The following ELF5 variants were observed in gnomAD, a reference collection of about 807,000 sequenced individuals.
The protein encoded by ELF5 is ETS-related transcription factor Elf-5.
ELF5 carries 31 observed loss-of-function variants against 38.2 expected under a neutral mutation model. The ratio of observed to expected loss-of-function variants is 0.81; its 90% CI spans 0.61 to 1.10. The LOEUF (loss-of-function observed/expected upper bound fraction) is 1.10, where lower values mean the gene tolerates loss of function less well. Ranked by LOEUF, ELF5 falls within the 50% of genes least tolerant of loss-of-function variation. ELF5 has a pLI of 0.00. For synonymous variants in ELF5, 121 were observed against 112.5 expected, an observed-to-expected ratio of 1.08 and a Z score of -0.48; for missense variants, 300 against 306.6, an observed-to-expected ratio of 0.98 and a Z score of 0.16.
intron 1 of ELF5, among the ~76,000 whole-genome samples, chr11:34,510,828 A>T (rs1003236937): frequency 2.6e-5 from 4 of 151,930 alleles, no homozygotes; most frequent in Non-Finnish European, 4.4e-5. Context: ...GAGAAGTGAT[A>T]AAAAAAAGGT....
At chr11:34,481,051 C>T in intron 5 of ELF5, 84 bp from the exon 6 acceptor site, 1 of 1,110,590 alleles carries the variant, frequency 9.0e-7, no homozygotes, top group Non-Finnish European at 1.2e-6. Flanking sequence ...GAGACAGAGT[C>T]TTGCTCTGTC....
intron 1 of ELF5, 113 bp from the exon 2 acceptor site, chr11:34,505,866 G>A: frequency 7.6e-7 from 1 of 1,318,250 alleles, no homozygotes; most frequent in Admixed American, 3.0e-5. Context: ...TAACAAATAT[G>A]TCACTCACTA....
At chr11:34,495,226 C>G (rs1291681893) in intron 2 of ELF5, among the ~76,000 whole-genome samples, 1 of 152,158 alleles carries the variant, frequency 6.6e-6, no homozygotes, top group Non-Finnish European at 1.5e-5. Context: ...ACACGAGGGC[C>G]TGAAAAGAAA....
At chr11:34,508,934 A>G (rs558818184) in intron 1 of ELF5, among the ~76,000 whole-genome samples, 1 of 152,330 alleles carries the variant, frequency 6.6e-6, no homozygotes, top group South Asian at 2.1e-4. Flanking sequence ...TAGCAAATCA[A>G]ACCTCAGTAC....
In ELF5 at chr11:34,480,127, G is replaced by A; in HGVS notation, c.*91C>T. The A allele has an allele frequency of 9.6e-7, 1 of 1,043,958 alleles. No individual in the cohort carries two copies. The highest frequency in any genetic ancestry group is 1.4e-6 in the Non-Finnish European group (1 of 700,586). 64.7% of individuals were successfully genotyped at this position (1,043,958 alleles called of 1,614,324 possible). On this transcript the variant is annotated 3_prime_UTR_variant, in exon 7 of 7. Transcript: ENST00000257832. ...AGCATGTTTGCAGGTTAAAAAAAAA[G>A]AGAAGAAAATGAAGCCTTTCGAATG...
chr11:34,488,212 A>G (rs1478109604), intron 4 of ELF5, among the ~76,000 whole-genome samples: 2 of 152,148 alleles, frequency 1.3e-5, no homozygotes, highest in Non-Finnish European at 2.9e-5. Context: ...CCTTGCCTCA[A>G]TGAGAGCAAG....
chr11:34,510,074 A>G (rs1463561109), intron 1 of ELF5, among the ~76,000 whole-genome samples: 1 of 152,112 alleles, frequency 6.6e-6, no homozygotes, highest in Non-Finnish European at 1.5e-5. Flanking sequence ...TAGTATTTTT[A>G]CCTCTTTTAA....
chr11:34,491,767 G>T (rs1329161891), intron 3 of ELF5: 1 of 152,028 alleles, frequency 6.6e-6, no homozygotes, highest in Non-Finnish European at 1.5e-5. Flanking sequence ...GTAGAGACGG[G>T]GTTTCACCAT....
chr11:34,490,865 ACT>A (rs889262345), intron 3 of ELF5, among the ~76,000 whole-genome samples: 18 of 151,890 alleles, frequency 1.2e-4, no homozygotes, highest in African/African-American at 3.9e-4. Flanking sequence ...GCCTCAGTTG[ACT>A]CTGTCCAAAG....
At chr11:34,496,637 C>A (rs1400650577) in intron 2 of ELF5, among the ~76,000 whole-genome samples, 1 of 152,182 alleles carries the variant, frequency 6.6e-6, no homozygotes, top group African/African-American at 2.4e-5. Flanking sequence ...TCACTGAGTG[C>A]CCATCAGGCG....
intron 1 of ELF5, chr11:34,511,825 A>G: frequency 1.9e-6 from 1 of 527,070 alleles, no homozygotes; most frequent in South Asian, 2.4e-5. Flanking sequence ...GAGGAGGAAA[A>G]TTCCTTCCTG....
chr11:34,490,614 A>G (rs1850143385), intron 3 of ELF5, among the ~76,000 whole-genome samples: 1 of 152,186 alleles, frequency 6.6e-6, no homozygotes, highest in East Asian at 1.9e-4. Context: ...GCTGAGTTTA[A>G]TGAGGATATG....
chr11:34,512,879 C>T (rs1464523510), intron 1 of ELF5, among the ~76,000 whole-genome samples: 1 of 152,226 alleles, frequency 6.6e-6, no homozygotes, highest in East Asian at 1.9e-4. Context: ...ACAGAGCTGC[C>T]TCCCTAAGTC....
chr11:34,509,863 C>T (rs2476504), intron 1 of ELF5, among the ~76,000 whole-genome samples: 127,463 of 152,130 alleles, frequency 0.84, 53,985 homozygotes, highest in East Asian at 0.96. Context: ...GAATTCCACA[C>T]GGAAGAAAAC....
At chr11:34,512,971 A>T (rs1431282938) in intron 1 of ELF5, among the ~76,000 whole-genome samples, 1 of 152,144 alleles carries the variant, frequency 6.6e-6, no homozygotes, top group African/African-American at 2.4e-5. Flanking sequence ...TTTCGGGCGT[A>T]CAAAAGGCAT....
intron 4 of ELF5, among the ~76,000 whole-genome samples, chr11:34,486,099 G>T (rs1849988756): frequency 6.6e-6 from 1 of 152,144 alleles, no homozygotes. Flanking sequence ...CACTCCAGAA[G>T]CTGGGGTGGG....
Position 34,480,147 on chromosome 11 carries a change from C to T in ELF5, c.*71G>A, listed in dbSNP as rs1017417192. The T allele has an allele frequency of 2.4e-5, 30 of 1,269,148 alleles. No individual in the cohort carries two copies. The highest frequency in any genetic ancestry group is 1.9e-4 in the Middle Eastern group (1 of 5,310). 78.6% of individuals were successfully genotyped at this position (1,269,148 alleles called of 1,614,324 possible). On this transcript the variant is annotated 3_prime_UTR_variant, in exon 7 of 7. Transcript: ENST00000257832. ...AAAAAGAGAAGAAAATGAAGCCTTT[C>T]GAATGTCTATTGCAATCTGATTGTT...
Position 34,480,011 on chromosome 11 carries a change from A to T in ELF5, c.*207T>A. The T allele has an allele frequency of 1.7e-6, 1 of 574,658 alleles. No individual in the cohort carries two copies. Among genetic ancestry groups the T allele is most frequent in the Non-Finnish European group, 3.1e-6 (1 of 324,822 alleles). The allele number at this position is 574,658 out of a possible 1,614,324, so 35.6% of individuals were successfully genotyped here. ...ATCATCCCCTCATCCCCTTAGGGAG[A>T]AGAAAGGATTTCTTAAGAGTTTCTG... On this transcript the variant is annotated 3_prime_UTR_variant, in exon 7 of 7. Transcript: ENST00000257832.
At chr11:34,512,892 C>G (rs924752703) in intron 1 of ELF5, among the ~76,000 whole-genome samples, 12 of 152,238 alleles carry the variant, frequency 7.9e-5, no homozygotes, top group African/African-American at 2.7e-4. Flanking sequence ...CCTAAGTCAT[C>G]TAGCCTTTCT....
Sources: gnomAD v4.1 joint callset for allele counts (sites outside exome capture counted in the v4.1 genomes callset) on GRCh38, gnomAD v4.1.1 for gene constraint, MANE v1.5 for transcripts, NCBI Gene and HGNC (gene_info 2026-07-23, HGNC 2026-07-21) for gene names.